Variants in DECR1 observed in about 807,000 individuals in gnomAD.
DECR1 encodes 2,4-dienoyl-CoA reductase 1.
A neutral mutation model predicts 38.8 loss-of-function variants in DECR1; 44 were observed. The ratio of observed to expected loss-of-function variants is 1.13; its 90% confidence interval spans 0.89 to 1.46. DECR1 has a LOEUF of 1.46. Ranked by LOEUF, DECR1 falls within the 40% of genes most tolerant of loss-of-function variation. The pLI is 0.00. For missense variants in DECR1, 428 were observed against 405.5 expected, an observed-to-expected ratio of 1.06 and a Z score of -0.48; for synonymous variants, 148 against 135.2, an observed-to-expected ratio of 1.09 and a Z score of -0.66.
At chr8:90,016,850 A>G in intron 1 of DECR1, 1 of 361,134 alleles carries the variant, frequency 2.8e-6, no homozygotes, top group Non-Finnish European at 5.1e-6. Context: ...CCCATTTTGT[A>G]GATGAAGGAA....
chr8:90,025,682 C>T (rs563693827), intron 5 of DECR1, among the ~76,000 whole-genome samples: 192 of 152,266 alleles, frequency 1.3e-3, no homozygotes, highest in South Asian at 8.9e-3. Context: ...AACAATTTGA[C>T]TTCTTCTTTT....
intron 1 of DECR1, among the ~76,000 whole-genome samples, chr8:90,006,838 G>A (rs1812754423): frequency 6.6e-6 from 1 of 152,190 alleles, no homozygotes; most frequent in African/African-American, 2.4e-5. Context: ...AAAACGAACT[G>A]GGCTTGGTTT....
Position 90,019,128 on chromosome 8 carries a change from C to A in DECR1, c.373C>A (p.Gln125Lys). The A allele has an allele frequency of 6.2e-7, 1 of 1,614,108 alleles. No individual in the cohort carries two copies. The highest frequency in any genetic ancestry group is 8.5e-7 in the Non-Finnish European group (1 of 1,180,012). ...TGATGTGAGGGATCCTGATATGGTTCAAAACACTGTGTCAGAACTGATCAA... is the reference window on the plus strand; with the variant it reads ...TGATGTGAGGGATCCTGATATGGTTAAAAACACTGTGTCAGAACTGATCAA... ...QCDVRDPDMV[Q>K]NTVSELIKVA... Residue 125 changes from glutamine (Q) to lysine (K), a missense_variant, in exon 4 of 10, where the codon CAA becomes AAA. Coordinates refer to ENST00000220764, the MANE Select transcript of DECR1 (RefSeq NM_001359.2).
intron 6 of DECR1, among the ~76,000 whole-genome samples, chr8:90,042,209 C>G (rs1813780425): frequency 6.6e-6 from 1 of 152,028 alleles, no homozygotes; most frequent in Non-Finnish European, 1.5e-5. Context: ...TACTCTTTTA[C>G]TCAAATAAAG....
At chr8:90,018,073 A>C (rs1038948395) in intron 2 of DECR1, among the ~76,000 whole-genome samples, 2 of 152,180 alleles carry the variant, frequency 1.3e-5, no homozygotes, top group Admixed American at 1.3e-4. Flanking sequence ...TTTTTAGTAG[A>C]GACTGGGTTT....
chr8:90,046,247 T>C (rs1401412184), intron 8 of DECR1, among the ~76,000 whole-genome samples: 1 of 152,206 alleles, frequency 6.6e-6, no homozygotes, highest in Non-Finnish European at 1.5e-5. Context: ...TTCTCTGAGC[T>C]AAAGGAAGGT....
intron 5 of DECR1, among the ~76,000 whole-genome samples, chr8:90,034,438 A>ATTTG (rs562532300): frequency 1.3e-4 from 20 of 151,638 alleles, no homozygotes; most frequent in Admixed American, 6.6e-5. Flanking sequence ...TTATTTATTT[A>ATTTG]TTTGTTTGTT....
chr8:90,022,185 G>T lies in DECR1; in HGVS notation c.565+1129G>T, dbSNP rs571726619. 2.0e-5 allele frequency among the ~76,000 whole-genome samples: 3 copies of T among 152,316 alleles called. No homozygotes were observed. The South Asian group carries it at 6.2e-4, about 32-fold the overall frequency. On this transcript the variant is annotated intron_variant, in intron 5 of 9. Coordinates refer to ENST00000220764, the MANE Select transcript of DECR1 (RefSeq NM_001359.2). ...GCTCCTCAGAGGATGTCCTTTGAGG[G>T]TTGAGGGGAGGAAAGAGGGCATGGA...
At chr8:90,040,700 A>G (rs1813738094) in intron 6 of DECR1, among the ~76,000 whole-genome samples, 2 of 152,106 alleles carry the variant, frequency 1.3e-5, no homozygotes, top group Admixed American at 6.6e-5. Context: ...TTCAGCTCCC[A>G]CTTATGAGTA....
In DECR1 at chr8:90,049,049, A is replaced by T. The variant is rs191312562; in HGVS notation, c.886-2628A>T. Among the ~76,000 whole-genome samples the T allele has an allele frequency of 2.9e-3, 437 of 152,326 alleles. 2 individuals are homozygous for T. The highest frequency in any genetic ancestry group is 8.9e-3 in the South Asian group (43 of 4,830). ...TTGATGGGACATGCCTCAAAATAATAAGAGCTATTTATGACAAACCCACAG... is the reference window on the plus strand; with the variant it reads ...TTGATGGGACATGCCTCAAAATAATTAGAGCTATTTATGACAAACCCACAG... On this transcript the variant is annotated intron_variant, in intron 8 of 9. Coordinates refer to ENST00000220764, the MANE Select transcript of DECR1 (RefSeq NM_001359.2).
At chr8:90,022,944 T>G (rs1813202508) in intron 5 of DECR1, among the ~76,000 whole-genome samples, 1 of 152,222 alleles carries the variant, frequency 6.6e-6, no homozygotes, top group African/African-American at 2.4e-5. Flanking sequence ...AAAATATCTT[T>G]TTAAAAGATG....
chr8:90,051,589 C>A, intron 8 of DECR1, 88 bp from the exon 9 acceptor site: 1 of 980,806 alleles, frequency 1.0e-6, no homozygotes, highest in Non-Finnish European at 1.6e-6. Context: ...AAGAGATATT[C>A]CATCCAATTA....
chr8:90,048,049 A>ATT (rs1813957794), intron 8 of DECR1, among the ~76,000 whole-genome samples: 1 of 152,208 alleles, frequency 6.6e-6, no homozygotes, highest in Non-Finnish European at 1.5e-5. Context: ...GTAGAGGGAA[A>ATT]TTTATAGCAC....
chr8:90,021,020 C>A lies in DECR1; in HGVS notation c.529C>A (p.Leu177Ile). Residue 177 changes from leucine to isoleucine, a missense_variant, in exon 5 of 10, where the codon CTA becomes ATA. Transcript: ENST00000220764. ...IVLNGTAFVT[L>I]EIGKQLIKAQ... ...TCTAAATGGCACAGCCTTCGTGACACTAGAAATTGGAAAACAACTAATTAA... is the reference window on the plus strand; with the variant it reads ...TCTAAATGGCACAGCCTTCGTGACAATAGAAATTGGAAAACAACTAATTAA... 6.3e-7 allele frequency: 1 copy of A among 1,591,852 alleles called. No homozygotes were observed. Among genetic ancestry groups the A allele is most frequent in the Non-Finnish European group, 8.5e-7 (1 of 1,172,966 alleles).
At chr8:90,049,074 G>T (rs1000598971) in intron 8 of DECR1, among the ~76,000 whole-genome samples, 1 of 150,472 alleles carries the variant, frequency 6.6e-6, no homozygotes, top group Non-Finnish European at 1.5e-5. Flanking sequence ...CAAACCCACA[G>T]CCAGGGGGCA....
At chr8:90,016,485 A>T (rs1057069529) in intron 1 of DECR1, among the ~76,000 whole-genome samples, 4 of 151,928 alleles carry the variant, frequency 2.6e-5, no homozygotes, top group Non-Finnish European at 4.4e-5. Flanking sequence ...AAATACAAAA[A>T]TTTAACGGCG....
intron 8 of DECR1, among the ~76,000 whole-genome samples, chr8:90,047,860 A>G (rs903412271): frequency 6.6e-6 from 1 of 152,246 alleles, no homozygotes; most frequent in East Asian, 1.9e-4. Flanking sequence ...CAATCAAACG[A>G]CAACTCAGGT....
chr8:90,016,528 A>T (rs1813010898), intron 1 of DECR1, among the ~76,000 whole-genome samples: 1 of 151,882 alleles, frequency 6.6e-6, no homozygotes, highest in Non-Finnish European at 1.5e-5. Flanking sequence ...CAGCTACTCT[A>T]CTCGGGAGGC....
chr8:90,018,789 A>T, intron 2 of DECR1, 120 bp from the exon 3 acceptor site: 1 of 783,540 alleles, frequency 1.3e-6, no homozygotes, highest in Non-Finnish European at 2.1e-6. Context: ...TGATTTTTGT[A>T]TATAAATAAC....
Sources: gnomAD v4.1 joint callset for allele counts (sites outside exome capture counted in the v4.1 genomes callset) on GRCh38, gnomAD v4.1.1 for gene constraint, MANE v1.5 for transcripts, NCBI Gene and HGNC (gene_info 2026-07-23, HGNC 2026-07-21) for gene names.